TMPRSS15: variants seen among roughly 807,000 people sequenced by gnomAD.
TMPRSS15 encodes the protein transmembrane serine protease 15, also known as enteropeptidase.
In TMPRSS15, 128 loss-of-function variants were observed where a neutral mutation model predicts 125.3. The observed-to-expected ratio is 1.02, with a 90% CI of 0.89 to 1.18. The LOEUF (loss-of-function observed/expected upper bound fraction) is 1.18. TMPRSS15 is among the 50% of genes most tolerant of loss of function. The pLI is 0.00. For missense variants in TMPRSS15, 1,283 were observed against 1,212.7 expected (o/e 1.06, Z -0.86); for synonymous variants, 446 against 423.2 (o/e 1.05, Z -0.66).
At chr21:18,341,631 T>A in intron 12 of TMPRSS15, 83 bp from the exon 13 acceptor site, 1 of 1,418,884 alleles carries the variant, frequency 7.0e-7, no homozygotes, top group Non-Finnish European at 9.9e-7. Context: ...CCCAAGAGAT[T>A]CAATATTGTC....
At chr21:18,293,627 T>C (rs1601286041) in intron 21 of TMPRSS15, among the ~76,000 whole-genome samples, 1 of 152,160 alleles carries the variant, frequency 6.6e-6, no homozygotes, top group South Asian at 2.1e-4. Context: ...CCCACCCCCT[T>C]CCATCCACTC....
chr21:18,386,141 T>C (rs887709631), intron 3 of TMPRSS15, among the ~76,000 whole-genome samples: 4 of 152,164 alleles, frequency 2.6e-5, no homozygotes, highest in African/African-American at 9.7e-5. Context: ...CTATTCCATG[T>C]TTATATGAAC....
rs528706769 is a variant in TMPRSS15 at position 18,285,389 on chromosome 21, A to C, written c.2487-4168T>G. Among the ~76,000 whole-genome samples the C allele has an allele frequency of 3.3e-5, 5 of 152,324 alleles. No homozygotes were observed. The South Asian group carries it at 8.3e-4, about 25-fold the overall frequency. On this transcript the variant is annotated intron_variant, in intron 21 of 24. Coordinates refer to ENST00000284885, the MANE Select transcript of TMPRSS15 (RefSeq NM_002772.3). ...TAGAGCATCACAACAGGCTGAAGGGAAAATAAAATCAATGGGAATCCAAAA... is the reference window on the plus strand; with the variant it reads ...TAGAGCATCACAACAGGCTGAAGGGCAAATAAAATCAATGGGAATCCAAAA...
intron 18 of TMPRSS15, among the ~76,000 whole-genome samples, chr21:18,312,662 A>T (rs1321420999): frequency 6.6e-6 from 1 of 151,918 alleles, no homozygotes; most frequent in African/African-American, 2.4e-5. Flanking sequence ...ATCAAAAAAT[A>T]TAAAATCATG....
intron 24 of TMPRSS15, among the ~76,000 whole-genome samples, chr21:18,274,977 C>A (rs1299673197): frequency 6.6e-6 from 1 of 152,182 alleles, no homozygotes; most frequent in African/African-American, 2.4e-5. Context: ...GTCTAGTCTC[C>A]AAAAGCATCG....
chr21:18,333,860 A>AATC (rs10700342), intron 13 of TMPRSS15, among the ~76,000 whole-genome samples: 95,311 of 151,692 alleles, frequency 0.63, 30,108 homozygotes, highest in African/African-American at 0.68. Flanking sequence ...TAATGTAAAA[A>AATC]ATCAACTATT....
chr21:18,335,839 A>G (rs2075386330), intron 13 of TMPRSS15, among the ~76,000 whole-genome samples: 1 of 152,198 alleles, frequency 6.6e-6, no homozygotes, highest in South Asian at 2.1e-4. Flanking sequence ...CAAATATCAC[A>G]GTCATGCTGT....
intron 1 of TMPRSS15, among the ~76,000 whole-genome samples, chr21:18,476,133 GA>G (rs1304080468): frequency 6.6e-6 from 1 of 151,960 alleles, no homozygotes; most frequent in African/African-American, 2.4e-5. Context: ...AATCATATAT[GA>G]AAAAAATTAT....
At chr21:18,438,332 G>C (rs1469305175) in intron 1 of TMPRSS15, among the ~76,000 whole-genome samples, 10 of 114,578 alleles carry the variant, frequency 8.7e-5, no homozygotes, top group Middle Eastern at 6.6e-3. Context: ...GTTGTGGGGT[G>C]GGGGGAGGGG....
At chr21:18,443,475 T>A (rs1366294038) in intron 1 of TMPRSS15, among the ~76,000 whole-genome samples, 1 of 152,152 alleles carries the variant, frequency 6.6e-6, no homozygotes, top group African/African-American at 2.4e-5. Flanking sequence ...GAGAGAATCC[T>A]CCTGGCATCC....
At chr21:18,317,514 T>C (rs920209811) in intron 16 of TMPRSS15, among the ~76,000 whole-genome samples, 1 of 152,104 alleles carries the variant, frequency 6.6e-6, no homozygotes, top group Admixed American at 6.5e-5. Flanking sequence ...AATCAATTCC[T>C]AATTGAGTTG....
intron 17 of TMPRSS15, among the ~76,000 whole-genome samples, chr21:18,313,312 T>C (rs2075121490): frequency 6.6e-6 from 1 of 151,334 alleles, no homozygotes; most frequent in Non-Finnish European, 1.5e-5. Flanking sequence ...ATAGGTTGAT[T>C]AGCATAATTC....
At chr21:18,347,607 T>A (rs2075522516) in intron 10 of TMPRSS15, among the ~76,000 whole-genome samples, 1 of 152,226 alleles carries the variant, frequency 6.6e-6, no homozygotes, top group Non-Finnish European at 1.5e-5. Context: ...GACACTTTGT[T>A]CATTTTTTTT....
rs995576504 is a variant in TMPRSS15, at chr21:18,373,364, C to T, written c.533-1040G>A. Among the ~76,000 whole-genome samples, 26 of 152,046 alleles carry T rather than the reference C, an allele frequency of 1.7e-4. 1 individual carries two copies. Among genetic ancestry groups the T allele is most frequent in the South Asian group, 6.2e-4 (3 of 4,816 alleles). ...ATAAACCAATGGGAAATTCATGGAACGCCCAACATCTAAAATTATAGGACA... is the reference window on the plus strand; with the variant it reads ...ATAAACCAATGGGAAATTCATGGAATGCCCAACATCTAAAATTATAGGACA... On this transcript the variant is annotated intron_variant, in intron 5 of 24. Transcript: ENST00000284885.
At chr21:18,361,901 A>G (rs1267256259) in intron 7 of TMPRSS15, among the ~76,000 whole-genome samples, 1 of 152,094 alleles carries the variant, frequency 6.6e-6, no homozygotes, top group Admixed American at 6.6e-5. Context: ...AAACAAACCC[A>G]AAGCATAAAC....
chr21:18,484,446 T>G (rs1178891815), intron 1 of TMPRSS15, among the ~76,000 whole-genome samples: 1 of 151,846 alleles, frequency 6.6e-6, no homozygotes, highest in Non-Finnish European at 1.5e-5. Flanking sequence ...GACTATTTCC[T>G]TTTCAAGTAT....
In TMPRSS15 at chr21:18,354,615, T is replaced by G. The variant is rs574109316; in HGVS notation, c.881-752A>C. Among the ~76,000 whole-genome samples, 421 of 151,860 alleles carry G rather than the reference T, an allele frequency of 2.8e-3. 1 individual carries two copies. The highest frequency in any genetic ancestry group is 2.9e-3 in the Non-Finnish European group (197 of 67,750). Reference sequence around the variant, plus strand: ...TTTTGAGGGAGAAAAACAGTTTTAATTTTTAAATGTGTAAAGCTCAGATAT... The same window carrying G: ...TTTTGAGGGAGAAAAACAGTTTTAAGTTTTAAATGTGTAAAGCTCAGATAT... On this transcript the variant is annotated intron_variant, in intron 8 of 24. Coordinates refer to ENST00000284885, the MANE Select transcript of TMPRSS15 (RefSeq NM_002772.3).
intron 1 of TMPRSS15, among the ~76,000 whole-genome samples, chr21:18,468,070 A>T (rs1360321307): frequency 6.6e-6 from 1 of 152,126 alleles, no homozygotes; most frequent in African/African-American, 2.4e-5. Context: ...AAATTATAGG[A>T]TATATAGTTG....
At chr21:18,416,571 C>A (rs969738563) in intron 1 of TMPRSS15, among the ~76,000 whole-genome samples, 1 of 151,982 alleles carries the variant, frequency 6.6e-6, no homozygotes, top group Non-Finnish European at 1.5e-5. Flanking sequence ...CCCCTTGTAC[C>A]TTATCCATAT....
Sources: gnomAD v4.1 joint callset for allele counts (sites outside exome capture counted in the v4.1 genomes callset) on GRCh38, gnomAD v4.1.1 for gene constraint, MANE v1.5 for transcripts, NCBI Gene and HGNC (gene_info 2026-07-23, HGNC 2026-07-21) for gene names.